SHOX: variants seen among roughly 807,000 people sequenced by gnomAD.
The protein encoded by SHOX is short stature homeobox protein.
In SHOX, 12 loss-of-function variants were observed where a neutral mutation model predicts 29.6. The ratio of observed to expected loss-of-function variants is 0.41; its 90% CI spans 0.26 to 0.66. SHOX has a LOEUF of 0.66. SHOX is among the 30% of genes least tolerant of loss of function. The pLI is 0.35. For missense variants in SHOX, 499 were observed against 437.7 expected (o/e 1.14, Z -1.25); for synonymous variants, 214 against 200.6 (o/e 1.07, Z -0.57).
chrX:627,628 A>G (rs1159143348), upstream of SHOX, among the ~76,000 whole-genome samples: 2 of 152,022 alleles, frequency 1.3e-5, no homozygotes, highest in Non-Finnish European at 2.9e-5. Flanking sequence ...CAGTTGAAAA[A>G]GGGCCTTTGC....
downstream of SHOX, among the ~76,000 whole-genome samples, chrX:652,543 G>A (rs1240011996): frequency 1.3e-5 from 2 of 151,870 alleles, no homozygotes; most frequent in Non-Finnish European, 2.9e-5. Flanking sequence ...TTCTCTGTGG[G>A]GGGCTCAGAG....
Position 649,835 on chromosome X carries a change from GC to G in SHOX, c.*5201del, listed in dbSNP as rs2053027114. ...AATAGTCCGTGGAGGGTTGTCAGTC[GC>G]CGCAGTTGAGCAAAAAACACTTCTT... is the stretch of plus-strand genomic sequence containing the variant. On this transcript the variant is annotated 3_prime_UTR_variant, in exon 5 of 5. Coordinates refer to ENST00000686671, the MANE Select transcript of SHOX (RefSeq NM_000451.4). 1.1e-5 allele frequency: 5 copies of G among 448,404 alleles called. No individual in the cohort carries two copies. The highest frequency in any genetic ancestry group is 8.0e-5 in the South Asian group (5 of 62,832). The allele number at this position is 448,404 out of a possible 1,614,324, so 27.8% of individuals were successfully genotyped here.
chrX:624,626 C>G (rs1304696861), intron 1 of SHOX: 1 of 152,084 alleles, frequency 6.6e-6, no homozygotes, highest in Non-Finnish European at 1.5e-5. Context: ...TGGAACTTTC[C>G]TTTTCTTTTC....
chrX:653,537 C>T (rs920841832), downstream of SHOX, among the ~76,000 whole-genome samples: 1 of 152,008 alleles, frequency 6.6e-6, no homozygotes, highest in African/African-American at 2.4e-5. Flanking sequence ...CATAGTTCAA[C>T]CTGAAAAGTA....
At chrX:637,480 C>G (rs778338868) in intron 2 of SHOX, among the ~76,000 whole-genome samples, 133 of 151,854 alleles carry the variant, frequency 8.8e-4, no homozygotes, top group African/African-American at 3.0e-3. Flanking sequence ...TGTGCGGACC[C>G]CGAGAACGCC....
intron 2 of SHOX, among the ~76,000 whole-genome samples, chrX:636,140 T>C (rs1373718649): frequency 6.7e-6 from 1 of 148,830 alleles, no homozygotes; most frequent in Non-Finnish European, 1.5e-5. Flanking sequence ...TCTCTATATA[T>C]AAACATATAT....
intron 5 of SHOX, among the ~76,000 whole-genome samples, chrX:657,565 C>A (rs1224113097): frequency 6.6e-6 from 1 of 152,172 alleles, no homozygotes; most frequent in African/African-American, 2.4e-5. Context: ...CACACCCCCA[C>A]ACACAGGTGA....
At chrX:634,246 G>A (rs1488744607) in intron 1 of SHOX, among the ~76,000 whole-genome samples, 2 of 152,126 alleles carry the variant, frequency 1.3e-5, no homozygotes, top group Non-Finnish European at 2.9e-5. Flanking sequence ...CTTCCCGGGC[G>A]TCCCGCCGGG....
Position 644,445 on chromosome X carries a change from C to A in SHOX, c.688C>A (p.Pro230Thr), listed in dbSNP as rs1294980290. ...GVAHAHPHLH[P>T]HLAAHAPYLM... ...GGCCCACGCGCACCCGCACCTGCAC[C>A]CGCACCTGGCGGCGCACGCGCCCTA... Residue 230 changes from proline to threonine, a missense_variant, in exon 5 of 5, where the codon CCG (proline) becomes ACG (threonine). Physicochemically the swap from Pro to Thr is conservative, Grantham distance 38. Transcript: ENST00000686671. 1.3e-6 allele frequency: 2 copies of A among 1,522,688 alleles called. No homozygotes were observed. The highest frequency in any genetic ancestry group is 1.8e-6 in the Non-Finnish European group (2 of 1,142,632). The allele number at this position is 1,522,688 out of a possible 1,614,324, so 94.3% of individuals were successfully genotyped here. A position where few individuals can be genotyped will look rare whatever the true frequency, so the allele number is the denominator to read the frequency against.
chrX:625,270 G>A (rs1165338030), intron 1 of SHOX, among the ~76,000 whole-genome samples: 3 of 130,040 alleles, frequency 2.3e-5, no homozygotes, highest in Non-Finnish European at 4.6e-5. Flanking sequence ...TCTTCCCTCT[G>A]CCATTTGTCT....
At position 630,791 on chromosome X, in the gene SHOX, G is replaced by A. The variant is rs1438725423; in HGVS notation, c.-107G>A. The A allele has an allele frequency of 1.4e-6, 2 of 1,381,342 alleles. No individual in the cohort carries two copies. Among genetic ancestry groups the A allele is most frequent in the South Asian group, 1.2e-5 (1 of 84,774 alleles). 85.6% of individuals were successfully genotyped at this position (1,381,342 alleles called of 1,614,324 possible). A position where few individuals can be genotyped will look rare whatever the true frequency, so the allele number is the denominator to read the frequency against. ...ATAGTGAGATTTCCAATGGAAAGGC[G>A]TAAATAACAGCGCTGGTGATCCACC... On this transcript the variant is annotated 5_prime_UTR_variant, in exon 1 of 5. Transcript: ENST00000686671.
At chrX:634,487 C>G (rs769372563) in intron 1 of SHOX, 131 bp from the exon 2 acceptor site, 10 of 930,910 alleles carry the variant, frequency 1.1e-5, no homozygotes, top group Admixed American at 6.0e-5. Context: ...CTTATGGACC[C>G]CACGCAGTTT....
intron 2 of SHOX, among the ~76,000 whole-genome samples, chrX:637,040 G>C (rs1420882657): frequency 1.3e-5 from 2 of 150,614 alleles, no homozygotes; most frequent in African/African-American, 4.9e-5. Flanking sequence ...AGATCGTTAG[G>C]ATTAAATCAA....
chrX:656,857 AAAACTGCTGCCCAAGC>A (rs2053154343), intron 5 of SHOX, among the ~76,000 whole-genome samples: 1 of 47,488 alleles, frequency 2.1e-5, no homozygotes, highest in African/African-American at 9.2e-5. Context: ...AAAAAAAAAA[AAAACTGCTGCCCAAGC>A]TGTGTTTGCA....
intron 2 of SHOX, among the ~76,000 whole-genome samples, chrX:636,108 T>C (rs1007675747): frequency 5.9e-5 from 9 of 151,516 alleles, no homozygotes; most frequent in African/African-American, 1.9e-4. Context: ...CAAAGTGTGT[T>C]ACATCTTTCA....
At chrX:655,602 CTCTCTCTCTCTCTATATATATATATA>C (rs1270957558), downstream of SHOX, among the ~76,000 whole-genome samples, 442 of 43,256 alleles carry the variant, frequency 0.01, no homozygotes, top group Non-Finnish European at 0.012. Context: ...CTCTCTCTCT[CTCTCTCTCTCTCTATATATATATATA>C]TATATATATA....
chrX:644,011 G>A (rs1435500443), intron 4 of SHOX, among the ~76,000 whole-genome samples: 1 of 71,502 alleles, frequency 1.4e-5, no homozygotes, highest in Non-Finnish European at 3.3e-5. Flanking sequence ...AGAGGCTTGG[G>A]GACCTGGTGT....
intron 2 of SHOX, among the ~76,000 whole-genome samples, chrX:637,286 G>A (rs893913091): frequency 6.6e-6 from 1 of 152,034 alleles, no homozygotes; most frequent in South Asian, 2.1e-4. Flanking sequence ...CGCTAAAGGG[G>A]ACATCGAGTT....
At chrX:638,551 A>T (rs2052796194) in intron 2 of SHOX, among the ~76,000 whole-genome samples, 1 of 152,112 alleles carries the variant, frequency 6.6e-6, no homozygotes, top group Non-Finnish European at 1.5e-5. Flanking sequence ...AGGGAGGATG[A>T]CTTTGCTGGG....
Sources: allele counts gnomAD v4.1 joint callset (sites outside exome capture counted in the v4.1 genomes callset), GRCh38; gene constraint gnomAD v4.1.1; transcripts MANE v1.5; gene names NCBI Gene and HGNC (gene_info 2026-07-23, HGNC 2026-07-21).